MLYCD: variants seen among roughly 807,000 people sequenced by gnomAD.
MLYCD encodes the protein malonyl-CoA decarboxylase, also known as malonyl-CoA decarboxylase, mitochondrial.
A neutral mutation model predicts 35.8 loss-of-function variants in MLYCD; 27 were observed. That is an observed-to-expected ratio of 0.75 (90% CI 0.56 to 1.04). The LOEUF (loss-of-function observed/expected upper bound fraction) is 1.04. MLYCD is among the 50% of genes least tolerant of loss of function. MLYCD has a pLI of 0.00. For synonymous variants in MLYCD, 403 were observed against 302.4 expected, an observed-to-expected ratio of 1.33 and a Z score of -3.45; for missense variants, 917 against 665.1, an observed-to-expected ratio of 1.38 and a Z score of -4.17.
chr16:83,920,486 G>T lies in MLYCD; in HGVS notation c.*4997G>T, dbSNP rs114885174. 2,416 of 152,392 alleles carry T rather than the reference G, an allele frequency of 0.016. 71 individuals carry two copies. Among genetic ancestry groups the T allele is most frequent in the African/African-American group, 0.055 (2,283 of 41,538 alleles). The allele number at this position is 152,392 out of a possible 1,614,324, so 9.4% of individuals were successfully genotyped here. A position where few individuals can be genotyped will look rare whatever the true frequency, so the allele number is the denominator to read the frequency against. On this transcript the variant is annotated 3_prime_UTR_variant, in exon 5 of 5. Coordinates refer to ENST00000262430, the MANE Select transcript of MLYCD (RefSeq NM_012213.3). Reference sequence around the variant, plus strand: ...CCAGCCCATGCCCGTTCTCAGGCCTGAGGTTCATTCTCGTTCTCTCCCTCT... The same window carrying T: ...CCAGCCCATGCCCGTTCTCAGGCCTTAGGTTCATTCTCGTTCTCTCCCTCT...
rs993064333 is a variant in MLYCD at position 83,918,063 on chromosome 16, G to A, written c.*2574G>A. 1.3e-5 allele frequency: 2 copies of A among 152,232 alleles called. No homozygotes were observed. The highest frequency in any genetic ancestry group is 2.4e-5 in the African/African-American group (1 of 41,450). The allele number at this position is 152,232 out of a possible 1,614,324, so 9.4% of individuals were successfully genotyped here. On this transcript the variant is annotated 3_prime_UTR_variant, in exon 5 of 5. Coordinates refer to ENST00000262430, the MANE Select transcript of MLYCD (RefSeq NM_012213.3). Reference sequence around the variant, plus strand: ...ACTAGCACGCCTGAGGTAGGTCTCGGAATAGTGTTCAAATCCATTTTACTA... The same window carrying A: ...ACTAGCACGCCTGAGGTAGGTCTCGAAATAGTGTTCAAATCCATTTTACTA...
intron 1 of MLYCD, among the ~76,000 whole-genome samples, 160 bp downstream of exon 1, chr16:83,899,832 G>T (rs1198780527): frequency 1.3e-5 from 2 of 152,188 alleles, no homozygotes; most frequent in East Asian, 3.9e-4. Context: ...CCCTTCCCAC[G>T]CTGTCTGAGT....
chr16:83,902,156 TATATA>T (rs1342199369), intron 1 of MLYCD, among the ~76,000 whole-genome samples: 9 of 33,416 alleles, frequency 2.7e-4, no homozygotes, highest in African/African-American at 1.1e-3. Context: ...TGTGCGTGCG[TATATA>T]TATATATATA....
rs937089824 is a variant in MLYCD, at chr16:83,915,613, G to A, written c.*124G>A. 1.6e-5 allele frequency: 25 copies of A among 1,530,920 alleles called. No individual in the cohort carries two copies. Among genetic ancestry groups the A allele is most frequent in the East Asian group, 7.3e-5 (3 of 41,086 alleles). 94.8% of individuals were successfully genotyped at this position (1,530,920 alleles called of 1,614,324 possible). ...CCAAAGTTGACTGTGTTCTTGTCCC[G>A]CAGCCGGTCCACACTGTGAGGCCAG... On this transcript the variant is annotated 3_prime_UTR_variant, in exon 5 of 5. Coordinates refer to ENST00000262430, the MANE Select transcript of MLYCD (RefSeq NM_012213.3).
rs1340081533 is a variant in MLYCD at position 83,919,176 on chromosome 16, G to T, written c.*3687G>T. ...CAGTGCACAGGAGAATACACACGGT[G>T]CACAGGAGAATTCACACACAATGCA... On this transcript the variant is annotated 3_prime_UTR_variant, in exon 5 of 5. Transcript: ENST00000262430. 1 of 140,194 alleles carries T rather than the reference G, an allele frequency of 7.1e-6. No individual in the cohort carries two copies. Among genetic ancestry groups the T allele is most frequent in the Non-Finnish European group, 1.5e-5 (1 of 65,774 alleles). The allele number at this position is 140,194 out of a possible 1,614,324, so 8.7% of individuals were successfully genotyped here.
At chr16:83,907,357 T>G (rs1017742270) in intron 2 of MLYCD, among the ~76,000 whole-genome samples, 2 of 152,206 alleles carry the variant, frequency 1.3e-5, no homozygotes, top group African/African-American at 4.8e-5. Flanking sequence ...ATTTGTGTCC[T>G]CTTATTTAAA....
intron 3 of MLYCD, 53 bp from the exon 4 acceptor site, chr16:83,912,165 G>C (rs1015021904): frequency 6.2e-7 from 1 of 1,612,286 alleles, no homozygotes. Context: ...GGCTTGCCTC[G>C]TGGGCTGCAG....
Position 83,920,136 on chromosome 16 carries a change from A to G in MLYCD, c.*4647A>G, listed in dbSNP as rs1907603845. The G allele has an allele frequency of 6.6e-6, 1 of 152,198 alleles. No homozygotes were observed. Among genetic ancestry groups the G allele is most frequent in the South Asian group, 2.1e-4 (1 of 4,830 alleles). The allele number at this position is 152,198 out of a possible 1,614,324, so 9.4% of individuals were successfully genotyped here. A position where few individuals can be genotyped will look rare whatever the true frequency, so the allele number is the denominator to read the frequency against. ...ACACAGCAGAACACCCGCAGTGCACAGGAGAACCTAGTGCACAGAACACAC... is the reference window on the plus strand; with the variant it reads ...ACACAGCAGAACACCCGCAGTGCACGGGAGAACCTAGTGCACAGAACACAC... On this transcript the variant is annotated 3_prime_UTR_variant, in exon 5 of 5. Transcript: ENST00000262430.
chr16:83,908,215 C>T lies in MLYCD; in HGVS notation c.731C>T (p.Ser244Leu), dbSNP rs375719723. The change falls in exon 3 of 5, where the codon TCG becomes TTG. Residue 244 changes from serine to leucine, a missense_variant. By Grantham distance (145) the Ser-to-Leu change is moderately radical. Coordinates refer to ENST00000262430, the MANE Select transcript of MLYCD (RefSeq NM_012213.3). The stretch of plus-strand genomic sequence containing the variant: ...AGGTGTTACTTCTTTTCTCACTGTT[C>T]GACCCCTGGGGAGCCCCTGGTCGTT... ...YRRCYFFSHCSTPGEPLVVLH... is the reference protein window; with the variant it reads ...YRRCYFFSHCLTPGEPLVVLH... 26 of 1,614,078 alleles carry T rather than the reference C, an allele frequency of 1.6e-5. No individual in the cohort carries two copies. The African/African-American group carries it at 1.9e-4, about 12-fold the overall frequency.
rs772473914 is a variant in MLYCD at position 83,899,387 on chromosome 16, G to A, written c.243G>A (p.Thr81=). 2 of 1,527,022 alleles carry A rather than the reference G, an allele frequency of 1.3e-6. No individual in the cohort carries two copies. Among genetic ancestry groups the A allele is most frequent in the South Asian group, 1.2e-5 (1 of 82,942 alleles). 94.6% of individuals were successfully genotyped at this position (1,527,022 alleles called of 1,614,324 possible). A position where few individuals can be genotyped will look rare whatever the true frequency, so the allele number is the denominator to read the frequency against. ...FVSFYGGLAE[T]AQRAELLGRL... is the part of the protein sequence containing the mutation. ...GCTTCTACGGTGGGCTGGCCGAGACGGCCCAGCGGGCCGAACTGCTGGGCC... is the reference window on the plus strand; with the variant it reads ...GCTTCTACGGTGGGCTGGCCGAGACAGCCCAGCGGGCCGAACTGCTGGGCC... Residue 81 remains threonine (T), a synonymous_variant, in exon 1 of 5, where the codon ACG becomes ACA. Transcript: ENST00000262430.
chr16:83,906,104 C>T (rs1041027659), intron 1 of MLYCD, among the ~76,000 whole-genome samples: 2 of 152,136 alleles, frequency 1.3e-5, no homozygotes, highest in Non-Finnish European at 2.9e-5. Context: ...CTGCCAGTTA[C>T]GGCGGGGCAC....
chr16:83,899,136 TG>T lies in MLYCD; in HGVS notation c.-5del. On this transcript the variant is annotated 5_prime_UTR_variant, in exon 1 of 5. Transcript: ENST00000262430. ...CGGCGCTCCCCCTCGGCAGCTGTTG[TG>T]GGGCACCATGCGAGGCTTCGGGCCA... is the stretch of plus-strand genomic sequence containing the variant. 1 of 1,128,670 alleles carries T rather than the reference TG, an allele frequency of 8.9e-7. No individual in the cohort carries two copies. 69.9% of individuals were successfully genotyped at this position (1,128,670 alleles called of 1,614,324 possible). A position where few individuals can be genotyped will look rare whatever the true frequency, so the allele number is the denominator to read the frequency against.
At chr16:83,903,266 C>CTA (rs1320162446) in intron 1 of MLYCD, among the ~76,000 whole-genome samples, 2 of 152,172 alleles carry the variant, frequency 1.3e-5, no homozygotes, top group Non-Finnish European at 2.9e-5. Context: ...CCCGGCCATG[C>CTA]TAGACACCTG....
At chr16:83,900,538 C>T (rs534048027) in intron 1 of MLYCD, among the ~76,000 whole-genome samples, 142 of 151,612 alleles carry the variant, frequency 9.4e-4, no homozygotes, top group African/African-American at 3.4e-3. Flanking sequence ...ACCTCAGCCT[C>T]CTGAGTAGCT....
chr16:83,910,498 T>C (rs1388416552), intron 3 of MLYCD, among the ~76,000 whole-genome samples: 6 of 151,980 alleles, frequency 3.9e-5, no homozygotes, highest in African/African-American at 1.4e-4. Flanking sequence ...CAGACCAGCC[T>C]GGCCAACATG....
At chr16:83,906,818 A>T (rs1370651641) in intron 1 of MLYCD, among the ~76,000 whole-genome samples, 169 bp from the exon 2 acceptor site, 1 of 152,234 alleles carries the variant, frequency 6.6e-6, no homozygotes, top group Admixed American at 6.5e-5. Flanking sequence ...TTGGTTTGAG[A>T]TAAGATGTCT....
At chr16:83,914,565 G>A (rs1257485409) in intron 4 of MLYCD, 6 of 319,784 alleles carry the variant, frequency 1.9e-5, no homozygotes, top group African/African-American at 8.7e-5. Context: ...GGACAGAGAC[G>A]CCCTGCCTTG....
rs371251021 is a variant in MLYCD, at chr16:83,919,225, AACACAC to A, written c.*3745_*3750del. 1 of 148,786 alleles carries A rather than the reference AACACAC, an allele frequency of 6.7e-6. No homozygotes were observed. Among genetic ancestry groups the A allele is most frequent in the African/African-American group, 2.5e-5 (1 of 39,466 alleles). The allele number at this position is 148,786 out of a possible 1,614,324, so 9.2% of individuals were successfully genotyped here. A position where few individuals can be genotyped will look rare whatever the true frequency, so the allele number is the denominator to read the frequency against. ...CACAGGAGAACACAGTGCACAGGAG[AACACAC>A]ACACACACTGCACAGGAGACCATGC... On this transcript the variant is annotated 3_prime_UTR_variant, in exon 5 of 5. Coordinates refer to ENST00000262430, the MANE Select transcript of MLYCD (RefSeq NM_012213.3).
intron 1 of MLYCD, among the ~76,000 whole-genome samples, chr16:83,901,292 T>C (rs1906776643): frequency 1.3e-5 from 2 of 152,246 alleles, no homozygotes; most frequent in Admixed American, 6.5e-5. Flanking sequence ...ACTTGCAGTA[T>C]ATCATCCCCC....
Sources: allele counts gnomAD v4.1 joint callset (sites outside exome capture counted in the v4.1 genomes callset), GRCh38; gene constraint gnomAD v4.1.1; transcripts MANE v1.5; gene names NCBI Gene and HGNC (gene_info 2026-07-23, HGNC 2026-07-21).